STEAP1B: variants seen among roughly 807,000 people sequenced by gnomAD.
The protein encoded by STEAP1B is STEAP family member 1B.
STEAP1B carries 13 observed loss-of-function variants against 27.9 expected under a neutral mutation model. The observed-to-expected ratio is 0.47, with a 90% CI of 0.30 to 0.74. The LOEUF (loss-of-function observed/expected upper bound fraction) is 0.74, where lower values mean the gene tolerates loss of function less well. STEAP1B is among the 30% of genes least tolerant of loss of function. The pLI is 0.06. For missense variants in STEAP1B, 250 were observed against 298.7 expected, an observed-to-expected ratio of 0.84 and a Z score of 1.20; for synonymous variants, 86 against 107.1, an observed-to-expected ratio of 0.80 and a Z score of 1.22.
chr7:22,475,943 C>T (rs2128412097), intron 4 of STEAP1B, among the ~76,000 whole-genome samples: 1 of 152,324 alleles, frequency 6.6e-6, no homozygotes, highest in East Asian at 1.9e-4. Context: ...CACCACTGGA[C>T]TCTGCCCACT....
chr7:22,438,192 G>A, intron 4 of STEAP1B, among the ~76,000 whole-genome samples: 1 of 152,052 alleles, frequency 6.6e-6, no homozygotes. Context: ...TTCTTCCCTT[G>A]TTGTTGTTGG....
At chr7:22,471,893 CAAAAAAAA>C (rs59453902) in intron 4 of STEAP1B, among the ~76,000 whole-genome samples, 50 of 60,192 alleles carry the variant, frequency 8.3e-4, no homozygotes, top group Non-Finnish European at 1.3e-3. Flanking sequence ...AACCTGTCTC[CAAAAAAAA>C]AAAAAAAAAA....
At position 22,471,893 on chromosome 7, in the gene STEAP1B, CAAAAAA is replaced by C. The variant is rs59453902; in HGVS notation, c.762+20666_762+20671del. Among the ~76,000 whole-genome samples the C allele has an allele frequency of 9.1e-4, 55 of 60,186 alleles. 1 individual carries two copies. The South Asian group carries it at 0.021, about 22-fold the overall frequency. 39.5% of individuals were successfully genotyped at this position (60,186 alleles called of 152,430 possible). A position where few individuals can be genotyped will look rare whatever the true frequency, so the allele number is the denominator to read the frequency against. ...ACTCCCGCCTGGGCAAACCTGTCTC[CAAAAAA>C]AAAAAAAAAAAAAAAAAAAGTTTTC... On this transcript the variant is annotated intron_variant, in intron 4 of 4. Transcript: ENST00000678116.
intron 4 of STEAP1B, among the ~76,000 whole-genome samples, chr7:22,449,409 T>A (rs962664782): frequency 3.9e-5 from 6 of 152,264 alleles, no homozygotes; most frequent in Admixed American, 2.6e-4. Flanking sequence ...TATCTTTCTG[T>A]GACTGGCTTA....
intron 4 of STEAP1B, among the ~76,000 whole-genome samples, chr7:22,458,001 A>G (rs73268526): frequency 3.0e-4 from 46 of 152,352 alleles, no homozygotes; most frequent in African/African-American, 1.1e-3. Flanking sequence ...AGCCAAACAT[A>G]CAACAGCTTA....
chr7:22,486,746 C>G (rs902332952), intron 4 of STEAP1B, among the ~76,000 whole-genome samples: 3 of 152,136 alleles, frequency 2.0e-5, no homozygotes, highest in Non-Finnish European at 2.9e-5. Flanking sequence ...TGCCCTCACT[C>G]CCTCTCAGGC....
At chr7:22,468,507 T>C (rs1298808650) in intron 4 of STEAP1B, among the ~76,000 whole-genome samples, 2 of 152,154 alleles carry the variant, frequency 1.3e-5, no homozygotes, top group African/African-American at 4.8e-5. Context: ...AAGTTGAATA[T>C]ACACCTAACA....
chr7:22,454,827 T>TTATA (rs58507500), intron 4 of STEAP1B, among the ~76,000 whole-genome samples: 45 of 88,736 alleles, frequency 5.1e-4, no homozygotes, highest in African/African-American at 1.3e-3. Context: ...AAAGAAAATA[T>TTATA]TATATATATA....
At chr7:22,446,546 T>C (rs531320157) in intron 4 of STEAP1B, among the ~76,000 whole-genome samples, 1 of 152,370 alleles carries the variant, frequency 6.6e-6, no homozygotes, top group South Asian at 2.1e-4. Flanking sequence ...CTAAGATTTC[T>C]TACAAGCAAG....
intron 4 of STEAP1B, among the ~76,000 whole-genome samples, chr7:22,479,897 G>A (rs1008246894): frequency 1.3e-5 from 2 of 151,946 alleles, no homozygotes; most frequent in Non-Finnish European, 2.9e-5. Context: ...TGTTGGGCAG[G>A]CTAGTCTTGA....
chr7:22,489,037 G>T, intron 4 of STEAP1B, among the ~76,000 whole-genome samples: 1 of 152,148 alleles, frequency 6.6e-6, no homozygotes, highest in East Asian at 1.9e-4. Flanking sequence ...AAGAGTCACA[G>T]AGCAGGCAAC....
intron 1 of STEAP1B, among the ~76,000 whole-genome samples, chr7:22,496,462 C>A (rs1212899652): frequency 1.3e-5 from 2 of 152,158 alleles, no homozygotes; most frequent in African/African-American, 4.8e-5. Flanking sequence ...TATATTCACT[C>A]ACTACTCACT....
chr7:22,487,275 G>A (rs990395089), intron 4 of STEAP1B, among the ~76,000 whole-genome samples: 7 of 151,988 alleles, frequency 4.6e-5, no homozygotes, highest in Non-Finnish European at 1.0e-4. Flanking sequence ...CTCCAGCCTG[G>A]GTGACAGACC....
intron 4 of STEAP1B, among the ~76,000 whole-genome samples, chr7:22,436,401 T>C (rs1785254716): frequency 1.3e-5 from 2 of 149,964 alleles, no homozygotes; most frequent in African/African-American, 4.8e-5. Flanking sequence ...ACACTAAAAA[T>C]CTATCCCTTA....
At chr7:22,458,141 T>C (rs1267896837) in intron 4 of STEAP1B, among the ~76,000 whole-genome samples, 1 of 152,204 alleles carries the variant, frequency 6.6e-6, no homozygotes, top group African/African-American at 2.4e-5. Flanking sequence ...GAGCTCTGCT[T>C]CTTCATTCAA....
At chr7:22,466,584 T>G (rs1397956380) in intron 4 of STEAP1B, among the ~76,000 whole-genome samples, 1 of 152,184 alleles carries the variant, frequency 6.6e-6, no homozygotes, top group Non-Finnish European at 1.5e-5. Flanking sequence ...TCCAGAACTA[T>G]GAGAAAGTAA....
chr7:22,457,814 C>T (rs1280929082), intron 4 of STEAP1B, among the ~76,000 whole-genome samples: 1 of 152,180 alleles, frequency 6.6e-6, no homozygotes, highest in Non-Finnish European at 1.5e-5. Flanking sequence ...CTGCAAGGTC[C>T]TCACCTGCCC....
intron 4 of STEAP1B, among the ~76,000 whole-genome samples, chr7:22,485,721 G>A (rs1290170112): frequency 6.6e-6 from 1 of 152,172 alleles, no homozygotes; most frequent in Non-Finnish European, 1.5e-5. Context: ...AGGTATGCCT[G>A]TATATTTCTC....
At chr7:22,492,954 T>C (rs1360925103) in intron 3 of STEAP1B, among the ~76,000 whole-genome samples, 1 of 152,186 alleles carries the variant, frequency 6.6e-6, no homozygotes, top group Non-Finnish European at 1.5e-5. Context: ...AATTTTCTAA[T>C]AATTATTTGA....
Sources: allele counts gnomAD v4.1 joint callset (sites outside exome capture counted in the v4.1 genomes callset), GRCh38; gene constraint gnomAD v4.1.1; transcripts MANE v1.5; gene names NCBI Gene and HGNC (gene_info 2026-07-23, HGNC 2026-07-21).